PCDH15: variants seen among roughly 807,000 people sequenced by gnomAD.
PCDH15 encodes the protein protocadherin related 15.
PCDH15 carries 129 observed loss-of-function variants against 178.5 expected under a neutral mutation model. The observed-to-expected ratio is 0.72, with a 90% confidence interval of 0.63 to 0.84. PCDH15 has a LOEUF of 0.84. PCDH15 is among the 40% of genes least tolerant of loss of function. The pLI is 0.00. For synonymous variants in PCDH15, 800 were observed against 732.0 expected, an observed-to-expected ratio of 1.09 and a Z score of -1.50; for missense variants, 2,230 against 2,099.9, an observed-to-expected ratio of 1.06 and a Z score of -1.21.
At chr10:54,792,336 C>G (rs1183504097) in intron 1 of PCDH15, among the ~76,000 whole-genome samples, 1 of 151,936 alleles carries the variant, frequency 6.6e-6, no homozygotes, top group East Asian at 1.9e-4. Context: ...AAATGACAAC[C>G]TTGCTTCTGA....
intron 1 of PCDH15, among the ~76,000 whole-genome samples, chr10:55,204,978 T>A (rs923523323): frequency 6.6e-6 from 1 of 152,076 alleles, no homozygotes; most frequent in Non-Finnish European, 1.5e-5. Flanking sequence ...CAGATTTTTC[T>A]ACACAAATTT....
At chr10:54,171,997 C>A (rs10825258) in intron 13 of PCDH15, among the ~76,000 whole-genome samples, 1 of 149,354 alleles carries the variant, frequency 6.7e-6, no homozygotes, top group Non-Finnish European at 1.5e-5. Context: ...AAATTTTCGC[C>A]GCCCCAACAC....
intron 1 of PCDH15, among the ~76,000 whole-genome samples, chr10:55,223,974 GGA>G (rs1457342298): frequency 1.5e-4 from 23 of 152,186 alleles, no homozygotes; most frequent in Admixed American, 9.2e-4. Flanking sequence ...AAATACAGCT[GGA>G]AGTGGTGGCT....
At chr10:54,159,143 A>G (rs2133411149) in intron 13 of PCDH15, among the ~76,000 whole-genome samples, 1 of 150,744 alleles carries the variant, frequency 6.6e-6, no homozygotes, top group African/African-American at 2.4e-5. Context: ...GGCTTAATTG[A>G]TAATGCATGA....
chr10:55,444,710 C>T lies in PCDH15; in HGVS notation c.-156+182915G>A, dbSNP rs11004866. Among the ~76,000 whole-genome samples the T allele has an allele frequency of 2.5e-3, 383 of 152,174 alleles. 9 individuals carry two copies. In the East Asian group the frequency reaches 0.056, roughly 22 times the overall value. ...TCTAAATCCAGCTCTGCTGTAGTAA[C>T]GAAAGTGAAAGTATTGTCAAGTATT... On this transcript the variant is annotated intron_variant, in intron 2 of 5. Transcript: ENST00000613346.
chr10:54,265,807 G>A (rs912874347), intron 8 of PCDH15, among the ~76,000 whole-genome samples: 2 of 151,940 alleles, frequency 1.3e-5, no homozygotes, highest in Non-Finnish European at 2.9e-5. Flanking sequence ...AAAAGATGTA[G>A]ACAGCCCCTC....
chr10:54,080,595 A>G (rs1374822777), intron 16 of PCDH15, among the ~76,000 whole-genome samples: 1 of 152,168 alleles, frequency 6.6e-6, no homozygotes, highest in East Asian at 1.9e-4. Flanking sequence ...TTCATATCAC[A>G]TATGGTAGTT....
chr10:55,372,990 G>A lies in PCDH15; in HGVS notation c.-155-206339C>T, dbSNP rs114307912. Among the ~76,000 whole-genome samples the A allele has an allele frequency of 4.1e-3, 629 of 152,190 alleles. 9 individuals are homozygous for A. Among genetic ancestry groups the A allele is most frequent in the African/African-American group, 0.014 (602 of 41,540 alleles). On this transcript the variant is annotated intron_variant, in intron 2 of 5. Coordinates refer to the PCDH15 transcript ENST00000613346. ...ATATTTTTAGGAGGTTGTAGCCTTT[G>A]TGAGTCTAGTGCTGAGCTAGACATT... is the stretch of plus-strand genomic sequence containing the variant.
chr10:55,345,045 G>A (rs939907065), intron 2 of PCDH15, among the ~76,000 whole-genome samples: 2 of 151,740 alleles, frequency 1.3e-5, no homozygotes, highest in Admixed American at 1.3e-4. Flanking sequence ...TCAGAATAGA[G>A]ATTATTTAAG....
chr10:55,445,914 T>C (rs1359940526), intron 2 of PCDH15, among the ~76,000 whole-genome samples: 1 of 152,052 alleles, frequency 6.6e-6, no homozygotes, highest in Non-Finnish European at 1.5e-5. Context: ...AGAGAAGCCT[T>C]TCACTTGAGA....
At chr10:55,517,612 T>C (rs1184928013) in intron 2 of PCDH15, among the ~76,000 whole-genome samples, 1 of 152,134 alleles carries the variant, frequency 6.6e-6, no homozygotes, top group Non-Finnish European at 1.5e-5. Flanking sequence ...AAACTAAACA[T>C]GCAACTATCA....
intron 2 of PCDH15, among the ~76,000 whole-genome samples, chr10:54,626,635 C>A (rs527384051): frequency 2.3e-3 from 348 of 152,272 alleles, no homozygotes; most frequent in African/African-American, 7.9e-3. Flanking sequence ...GATGTCCAGG[C>A]AGAAGTTTGC....
chr10:55,161,473 A>G (rs1197555282), intron 2 of PCDH15, among the ~76,000 whole-genome samples: 1 of 152,056 alleles, frequency 6.6e-6, no homozygotes, highest in Admixed American at 6.6e-5. Flanking sequence ...ATTTGTTTCT[A>G]TAATATCTAA....
intron 2 of PCDH15, among the ~76,000 whole-genome samples, chr10:55,600,339 G>A (rs555073269): frequency 5.1e-4 from 77 of 151,434 alleles, no homozygotes; most frequent in Non-Finnish European, 5.0e-4. Context: ...ACTCCAGCCT[G>A]AGAGACAGAG....
At chr10:55,534,997 C>A (rs1565232692) in intron 2 of PCDH15, among the ~76,000 whole-genome samples, 5 of 151,840 alleles carry the variant, frequency 3.3e-5, no homozygotes, top group Admixed American at 6.6e-5. Flanking sequence ...TAAGTGGGAG[C>A]TAAACATTGA....
At chr10:54,111,579 A>C (rs1199670493) in intron 15 of PCDH15, among the ~76,000 whole-genome samples, 11 of 152,298 alleles carry the variant, frequency 7.2e-5, no homozygotes, top group Admixed American at 2.6e-4. Context: ...ATTTATAAGA[A>C]GGAATGAATA....
chr10:54,183,328 A>G, intron 13 of PCDH15, 116 bp downstream of exon 13: 1 of 1,038,578 alleles, frequency 9.6e-7, no homozygotes, highest in Non-Finnish European at 1.5e-6. Context: ...TAATTATGCT[A>G]TACAATAAGT....
At chr10:54,535,163 T>A (rs752063979) in intron 2 of PCDH15, among the ~76,000 whole-genome samples, 1 of 152,248 alleles carries the variant, frequency 6.6e-6, no homozygotes, top group Non-Finnish European at 1.5e-5. Flanking sequence ...AGTGTCATTA[T>A]TAATTGAATT....
At chr10:54,700,787 T>C (rs967827537) in intron 1 of PCDH15, among the ~76,000 whole-genome samples, 1 of 152,052 alleles carries the variant, frequency 6.6e-6, no homozygotes, top group Non-Finnish European at 1.5e-5. Context: ...TTGGAAACCA[T>C]ATTTTGGGAT....
Sources: gnomAD v4.1 joint callset for allele counts (sites outside exome capture counted in the v4.1 genomes callset) on GRCh38, gnomAD v4.1.1 for gene constraint, MANE v1.5 for transcripts, NCBI Gene and HGNC (gene_info 2026-07-23, HGNC 2026-07-21) for gene names.